Variants in KAT6A observed in about 807,000 individuals in gnomAD.
The protein encoded by KAT6A is lysine acetyltransferase 6A, also known as histone acetyltransferase KAT6A.
Under a neutral mutation model 198.4 loss-of-function variants are expected in KAT6A, and 9 were observed. The ratio of observed to expected loss-of-function variants is 0.05; its 90% confidence interval spans 0.03 to 0.08. The LOEUF (loss-of-function observed/expected upper bound fraction) is 0.08. Ranked by LOEUF, KAT6A falls within the 10% of genes least tolerant of loss-of-function variation. The pLI, the probability that KAT6A is intolerant of heterozygous loss-of-function variation, is 1.00. For missense variants in KAT6A, 2,077 were observed against 2,509.9 expected, an observed-to-expected ratio of 0.83 and a Z score of 3.69; for synonymous variants, 890 against 883.0, an observed-to-expected ratio of 1.01 and a Z score of -0.14.
rs540914861 is a variant in KAT6A at position 41,995,021 on chromosome 8, A to G, written c.601-7458T>C. 1.3e-4 allele frequency among the ~76,000 whole-genome samples: 19 copies of G among 151,968 alleles called. No individual in the cohort carries two copies. The East Asian group carries it at 3.7e-3, about 29-fold the overall frequency. On this transcript the variant is annotated intron_variant, in intron 2 of 16. Transcript: ENST00000265713. ...CAGTGAGCCAAGAACGTGCTACTGCACTCCAGCCTGGGCAACAAGAGCGAG... is the reference window on the plus strand; with the variant it reads ...CAGTGAGCCAAGAACGTGCTACTGCGCTCCAGCCTGGGCAACAAGAGCGAG...
At chr8:42,009,925 C>A (rs376875326) in intron 2 of KAT6A, among the ~76,000 whole-genome samples, 30,995 of 117,506 alleles carry the variant, frequency 0.26, 4,234 homozygotes, top group African/African-American at 0.35. Flanking sequence ...CAAAAAAAAA[C>A]AAAACCACAA....
At chr8:41,962,840 T>A (rs146263303) in intron 8 of KAT6A, among the ~76,000 whole-genome samples, 1 of 152,174 alleles carries the variant, frequency 6.6e-6, no homozygotes, top group South Asian at 2.1e-4. Flanking sequence ...ACTTCCTTGA[T>A]CATGCCAAGC....
At chr8:41,967,006 T>C (rs570048371) in intron 8 of KAT6A, among the ~76,000 whole-genome samples, 1 of 152,290 alleles carries the variant, frequency 6.6e-6, no homozygotes, top group South Asian at 2.1e-4. Context: ...TTGTTGAAAC[T>C]AGCTTACTGT....
chr8:42,047,910 G>A (rs1268570816), intron 2 of KAT6A, among the ~76,000 whole-genome samples: 2 of 151,892 alleles, frequency 1.3e-5, no homozygotes, highest in Non-Finnish European at 1.5e-5. Context: ...TCTGTCTAAC[G>A]AGTAATCTGC....
chr8:41,944,079 T>C, intron 12 of KAT6A, 100 bp from the exon 13 acceptor site: 1 of 716,122 alleles, frequency 1.4e-6, no homozygotes, highest in South Asian at 2.0e-5. Flanking sequence ...CAAGAATAAC[T>C]CCAAAGGTAA....
rs2150867600 is a variant in KAT6A, at chr8:41,949,325, T to C, written c.1637A>G (p.Tyr546Cys). The part of the protein sequence containing the change: ...KLYLCEFCLK[Y>C]MKSRTILQQH... ...CTGCAGAATAGTTCTACTTTTCATA[T>C]ATTTTAGACAAAATTCACAAAGATA... is the stretch of plus-strand genomic sequence containing the variant. The change falls in exon 10 of 17, where the codon TAT becomes TGT. Residue 546 changes from tyrosine (Y) to cysteine (C), a missense_variant. By Grantham distance (194) the Tyr-to-Cys change is radical. This residue lies in a region of KAT6A where 46 missense variants were observed against 88.2 expected (regional missense o/e 0.52). Coordinates refer to ENST00000265713, the MANE Select transcript of KAT6A (RefSeq NM_006766.5). 6.4e-7 allele frequency: 1 copy of C among 1,562,982 alleles called. No homozygotes were observed. The highest frequency in any genetic ancestry group is 1.2e-5 in the South Asian group (1 of 80,718).
chr8:42,037,589 C>CAT (rs1319519680), intron 2 of KAT6A, among the ~76,000 whole-genome samples: 2 of 152,034 alleles, frequency 1.3e-5, no homozygotes, highest in African/African-American at 4.8e-5. Flanking sequence ...AAACGCAGCC[C>CAT]ATAGTACAAG....
intron 2 of KAT6A, among the ~76,000 whole-genome samples, chr8:41,996,911 T>C (rs897350072): frequency 6.6e-6 from 1 of 152,200 alleles, no homozygotes. Context: ...AATCTAGTAG[T>C]GTACCACAAA....
At chr8:42,043,708 G>A (rs1482324361) in intron 2 of KAT6A, 1 of 152,188 alleles carries the variant, frequency 6.6e-6, no homozygotes, top group Non-Finnish European at 1.5e-5. Context: ...CTGTACTTGA[G>A]TGCAGTGATA....
At chr8:41,983,330 G>C (rs1417151883) in intron 3 of KAT6A, among the ~76,000 whole-genome samples, 1 of 152,248 alleles carries the variant, frequency 6.6e-6, no homozygotes, top group East Asian at 1.9e-4. Flanking sequence ...AACACTGAAG[G>C]AAAATCCAAG....
At chr8:41,982,113 G>A (rs1824385075) in intron 3 of KAT6A, among the ~76,000 whole-genome samples, 159 bp from the exon 4 acceptor site, 1 of 152,000 alleles carries the variant, frequency 6.6e-6, no homozygotes. Flanking sequence ...TTTCTCATCA[G>A]GACTTGGCAC....
At chr8:41,952,378 C>T (rs915413306) in intron 9 of KAT6A, among the ~76,000 whole-genome samples, 5 of 152,116 alleles carry the variant, frequency 3.3e-5, no homozygotes, top group Non-Finnish European at 5.9e-5. Flanking sequence ...CAGAGGGCAT[C>T]CAATGATCAT....
At chr8:42,019,823 T>A (rs1826442530) in intron 2 of KAT6A, among the ~76,000 whole-genome samples, 1 of 152,222 alleles carries the variant, frequency 6.6e-6, no homozygotes, top group African/African-American at 2.4e-5. Context: ...TTCCCCCATA[T>A]AATAGAAGGG....
At position 42,013,322 on chromosome 8, in the gene KAT6A, C is replaced by CA. The variant is rs200043577; in HGVS notation, c.601-25760_601-25759insT. On this transcript the variant is annotated intron_variant, in intron 2 of 16. Coordinates refer to ENST00000265713, the MANE Select transcript of KAT6A (RefSeq NM_006766.5). Reference sequence around the variant, plus strand: ...CCAGGCTGGAGTGCAGTGGCGCGATCTTGGCTCACTGCAACCTCCGCCTCC... The same window carrying CA: ...CCAGGCTGGAGTGCAGTGGCGCGATCATTGGCTCACTGCAACCTCCGCCTCC... Among the ~76,000 whole-genome samples, 1,168 of 148,478 alleles carry CA rather than the reference C, an allele frequency of 7.9e-3. 5 individuals are homozygous for CA. The highest frequency in any genetic ancestry group is 0.018 in the Middle Eastern group (5 of 276).
At chr8:42,050,326 C>T (rs1456892452) in intron 1 of KAT6A, among the ~76,000 whole-genome samples, 3 of 152,200 alleles carry the variant, frequency 2.0e-5, no homozygotes, top group Non-Finnish European at 2.9e-5. Flanking sequence ...TGTTTAATCA[C>T]TAAAGTACTG....
intron 8 of KAT6A, among the ~76,000 whole-genome samples, chr8:41,963,424 T>C (rs962071736): frequency 3.3e-5 from 5 of 152,184 alleles, no homozygotes; most frequent in African/African-American, 4.8e-5. Flanking sequence ...AATACCATCA[T>C]CTACTCCAAA....
chr8:41,977,416 C>T (rs1393081550), intron 6 of KAT6A, 89 bp from the exon 7 acceptor site: 2 of 766,360 alleles, frequency 2.6e-6, no homozygotes, highest in Non-Finnish European at 4.1e-6. Flanking sequence ...TAGTAAGTAA[C>T]CTACAGCTTT....
chr8:41,992,874 C>T (rs955373888), intron 2 of KAT6A, among the ~76,000 whole-genome samples: 3 of 151,942 alleles, frequency 2.0e-5, no homozygotes, highest in African/African-American at 4.8e-5. Context: ...TACTACTTAA[C>T]GAAGCAAACA....
chr8:41,953,940 G>A (rs1230355902), intron 9 of KAT6A, among the ~76,000 whole-genome samples: 3 of 152,082 alleles, frequency 2.0e-5, no homozygotes, highest in African/African-American at 7.2e-5. Context: ...CAAATACAAT[G>A]TAACCTTATC....
Sources: allele counts gnomAD v4.1 joint callset (sites outside exome capture counted in the v4.1 genomes callset), GRCh38; gene constraint gnomAD v4.1.1; regional missense constraint gnomAD v4.1.1; transcripts MANE v1.5; gene names NCBI Gene and HGNC (gene_info 2026-07-23, HGNC 2026-07-21).